AGO2: variants seen among roughly 807,000 people sequenced by gnomAD.
AGO2 encodes the protein argonaute RISC catalytic component 2.
A neutral mutation model predicts 102.3 loss-of-function variants in AGO2; 5 were observed. That is an observed-to-expected ratio of 0.05 (90% CI 0.03 to 0.10). The LOEUF is 0.10. Among genes scored for constraint, AGO2 ranks in the 10% least tolerant of loss-of-function variants. The pLI is 1.00. For synonymous variants in AGO2, 449 were observed against 473.1 expected, an observed-to-expected ratio of 0.95 and a Z score of 0.66; for missense variants, 541 against 1,183.7, an observed-to-expected ratio of 0.46 and a Z score of 7.97.
chr8:140,602,243 T>C (rs1277912891), intron 1 of AGO2, among the ~76,000 whole-genome samples: 1 of 152,196 alleles, frequency 6.6e-6, no homozygotes, highest in African/African-American at 2.4e-5. Flanking sequence ...ATTGATGTTA[T>C]CTCTTCTGTG....
chr8:140,590,208 C>T (rs956600985), intron 1 of AGO2, among the ~76,000 whole-genome samples: 17 of 152,224 alleles, frequency 1.1e-4, no homozygotes, highest in Non-Finnish European at 2.1e-4. Context: ...GCTGGGTCCC[C>T]AGCTGATGCG....
At chr8:140,607,717 A>G (rs1376438422) in intron 1 of AGO2, among the ~76,000 whole-genome samples, 1 of 151,950 alleles carries the variant, frequency 6.6e-6, no homozygotes, top group African/African-American at 2.4e-5. Flanking sequence ...AGGAACATGC[A>G]ACATCCAGAA....
At position 140,540,906 on chromosome 8, in the gene AGO2, C is replaced by T. The variant is rs1476142716; in HGVS notation, c.2034+258G>A. Among the ~76,000 whole-genome samples the T allele has an allele frequency of 6.6e-6, 1 of 152,150 alleles. No homozygotes were observed. Among genetic ancestry groups the T allele is most frequent in the Non-Finnish European group, 1.5e-5 (1 of 68,010 alleles). On this transcript the variant is annotated intron_variant, in intron 15 of 18. Transcript: ENST00000220592. The surrounding 1 kb of genome is among the most constrained non-coding windows in gnomAD (Gnocchi z 5.0). The stretch of plus-strand genomic sequence containing the variant: ...AAGTCAGCGGAACTCAAGCGTCTCT[C>T]CCCCATCTCTTGGTCCCCAGGCCCA...
At chr8:140,543,262 G>C (rs908041888) in intron 14 of AGO2, among the ~76,000 whole-genome samples, 1 of 152,214 alleles carries the variant, frequency 6.6e-6, no homozygotes, top group African/African-American at 2.4e-5. Context: ...TGGTGGGGTT[G>C]TGATTATCGG....
intron 1 of AGO2, among the ~76,000 whole-genome samples, chr8:140,597,663 T>G (rs1383069856): frequency 1.3e-5 from 2 of 150,728 alleles, no homozygotes; most frequent in Non-Finnish European, 2.9e-5. Flanking sequence ...AGGATTAGCT[T>G]CTGAGGCCTA....
At chr8:140,603,955 C>G (rs1249931487) in intron 1 of AGO2, among the ~76,000 whole-genome samples, 1 of 152,230 alleles carries the variant, frequency 6.6e-6, no homozygotes, top group South Asian at 2.1e-4. Flanking sequence ...TCCTGCCTCC[C>G]GGGGATGAGC....
intron 1 of AGO2, among the ~76,000 whole-genome samples, chr8:140,595,930 A>T (rs1352660557): frequency 6.9e-5 from 6 of 86,472 alleles, no homozygotes; most frequent in East Asian, 2.5e-4. Context: ...TATGTATATA[A>T]ATTATATAAT....
intron 13 of AGO2, among the ~76,000 whole-genome samples, chr8:140,546,266 A>C (rs1257348712): frequency 6.6e-6 from 1 of 152,192 alleles, no homozygotes; most frequent in African/African-American, 2.4e-5. Context: ...TCCCTGATGA[A>C]TTCAACGGAC....
chr8:140,570,391 A>AT (rs5895644), intron 3 of AGO2, among the ~76,000 whole-genome samples: 30,839 of 147,458 alleles, frequency 0.21, 3,669 homozygotes, highest in Admixed American at 0.37. Flanking sequence ...ATGCTTGGCT[A>AT]TTTTTTTTTT....
At chr8:140,565,702 T>C (rs987508364) in intron 3 of AGO2, among the ~76,000 whole-genome samples, 2 of 151,582 alleles carry the variant, frequency 1.3e-5, no homozygotes, top group African/African-American at 2.4e-5. Context: ...CTATAAAATA[T>C]GTGTTAATTT....
chr8:140,534,124 G>A (rs533642095), intron 17 of AGO2, among the ~76,000 whole-genome samples: 4 of 152,318 alleles, frequency 2.6e-5, no homozygotes, highest in Admixed American at 6.5e-5. Flanking sequence ...ATGCTCCACC[G>A]CACATGCTCC....
intron 5 of AGO2, 80 bp from the exon 6 acceptor site, chr8:140,559,609 T>C (rs771056859): frequency 2.9e-5 from 45 of 1,565,668 alleles, no homozygotes; most frequent in Non-Finnish European, 1.7e-6. Flanking sequence ...AGGGGCCTCA[T>C]AGGCCAGGCC....
intron 1 of AGO2, among the ~76,000 whole-genome samples, chr8:140,611,245 CG>C (rs2152101406): frequency 6.6e-6 from 1 of 152,288 alleles, no homozygotes; most frequent in Non-Finnish European, 1.5e-5. Context: ...GTGCACAGCA[CG>C]GGGACGAAGC....
At chr8:140,537,537 T>C (rs1437502428) in intron 16 of AGO2, among the ~76,000 whole-genome samples, 4 of 151,908 alleles carry the variant, frequency 2.6e-5, no homozygotes, top group Non-Finnish European at 5.9e-5. Flanking sequence ...CTTGGACTAA[T>C]ACGATCCACC....
In AGO2 at chr8:140,576,998, G is replaced by A. The variant is rs2073475158; in HGVS notation, c.216-4066C>T. The stretch of plus-strand genomic sequence containing the variant: ...CGAAGCAGGTGGATCACGAGATCAG[G>A]AGATCGAGACCACCCTGGCTAACAC... On this transcript the variant is annotated intron_variant, in intron 2 of 18. Coordinates refer to ENST00000220592, the MANE Select transcript of AGO2 (RefSeq NM_012154.5). Among the ~76,000 whole-genome samples the A allele has an allele frequency of 3.9e-5, 6 of 152,126 alleles. No individual in the cohort carries two copies. In the South Asian group the frequency reaches 1.2e-3, roughly 31 times the overall value.
chr8:140,615,593 G>C (rs2074131874), intron 1 of AGO2, among the ~76,000 whole-genome samples: 1 of 152,282 alleles, frequency 6.6e-6, no homozygotes, highest in South Asian at 2.1e-4. Context: ...GGACAGAATA[G>C]AAGTGGCTGA....
chr8:140,525,810 G>A lies in AGO2; in HGVS notation c.*6234C>T, dbSNP rs568106073. On this transcript the variant is annotated 3_prime_UTR_variant, in exon 19 of 19. Coordinates refer to ENST00000220592, the MANE Select transcript of AGO2 (RefSeq NM_012154.5). ...GAACCCAAAGAAAGAAGCGAAGGAG[G>A]CCCCGGGCCCACAGCACAGTGTATG... 1.3e-5 allele frequency: 2 copies of A among 152,332 alleles called. No homozygotes were observed. The highest frequency in any genetic ancestry group is 2.1e-4 in the South Asian group (1 of 4,828). 9.4% of individuals were successfully genotyped at this position (152,332 alleles called of 1,614,324 possible).
At chr8:140,620,163 G>A (rs2074200639) in intron 1 of AGO2, among the ~76,000 whole-genome samples, 1 of 152,186 alleles carries the variant, frequency 6.6e-6, no homozygotes, top group East Asian at 1.9e-4. Context: ...GGGCCTTCAG[G>A]CAACAGCACC....
intron 1 of AGO2, among the ~76,000 whole-genome samples, chr8:140,604,686 G>A (rs190950929): frequency 9.8e-5 from 15 of 152,306 alleles, no homozygotes; most frequent in African/African-American, 2.9e-4. Context: ...AGTTAGCCGG[G>A]CGTGGTGGCG....
Sources: gnomAD v4.1 joint callset for allele counts (sites outside exome capture counted in the v4.1 genomes callset) on GRCh38, gnomAD v4.1.1 for gene constraint, Gnocchi (gnomAD v3.1) non-coding constraint, MANE v1.5 for transcripts, NCBI Gene and HGNC (gene_info 2026-07-23, HGNC 2026-07-21) for gene names.